Variants in FREM2 observed in about 807,000 individuals in gnomAD.
FREM2 encodes the protein FRAS1-related extracellular matrix protein 2.
FREM2 carries 119 observed loss-of-function variants against 219.9 expected under a neutral mutation model. The observed-to-expected ratio is 0.54, with a 90% confidence interval of 0.47 to 0.63. The LOEUF (loss-of-function observed/expected upper bound fraction) is 0.63, where lower values mean the gene tolerates loss of function less well. Ranked by LOEUF, FREM2 falls within the 30% of genes least tolerant of loss-of-function variation. FREM2 has a pLI of 0.00. For synonymous variants in FREM2, 1,562 were observed against 1,522.8 expected, an observed-to-expected ratio of 1.03 and a Z score of -0.60; for missense variants, 4,030 against 3,993.6, an observed-to-expected ratio of 1.01 and a Z score of -0.25.
At chr13:38,814,319 T>G (rs768018466) in intron 6 of FREM2, among the ~76,000 whole-genome samples, 1 of 152,324 alleles carries the variant, frequency 6.6e-6, no homozygotes, top group Non-Finnish European at 1.5e-5. Context: ...TCTGGGCTTA[T>G]TTGTGCCTGT....
At chr13:38,801,543 C>T (rs1185553985) in intron 6 of FREM2, among the ~76,000 whole-genome samples, 1 of 151,916 alleles carries the variant, frequency 6.6e-6, no homozygotes, top group African/African-American at 2.4e-5. Context: ...GGGTGCATTA[C>T]CTTTGATTTA....
chr13:38,753,973 T>TTTATTTTTTA lies in FREM2; in HGVS notation c.5264-10329_5264-10328insATTTTTTATT, dbSNP rs1555265208. 7.4e-5 allele frequency among the ~76,000 whole-genome samples: 11 copies of TTTATTTTTTA among 148,492 alleles called. No homozygotes were observed. In the East Asian group the frequency reaches 2.2e-3, roughly 29 times the overall value. ...ACACATTCTTTTTATTTTATTTTATTTTTTATTTTATTTTATTTTATTTTT... is the reference window on the plus strand; with the variant it reads ...ACACATTCTTTTTATTTTATTTTATTTTATTTTTTATTTTATTTTATTTTATTTTATTTTT... On this transcript the variant is annotated intron_variant, in intron 2 of 23. Transcript: ENST00000280481.
In FREM2 at chr13:38,872,996, A is replaced by AT. The variant is rs371467620; in HGVS notation, c.8176+71dup. 1.9e-3 allele frequency: 2,816 copies of AT among 1,459,336 alleles called. 20 individuals are homozygous for AT. In the African/African-American group the frequency reaches 0.026, roughly 13 times the overall value. 90.4% of individuals were successfully genotyped at this position (1,459,336 alleles called of 1,614,324 possible). A position where few individuals can be genotyped will look rare whatever the true frequency, so the allele number is the denominator to read the frequency against. ...TAACCTATTTAAACTATTTAAGACGATTTTTTTTTGCCATTGCTAAAAGTA... is the reference window on the plus strand; with the variant it reads ...TAACCTATTTAAACTATTTAAGACGATTTTTTTTTTGCCATTGCTAAAAGTA... On this transcript the variant is annotated intron_variant, in intron 17 of 23. Coordinates refer to ENST00000280481, the MANE Select transcript of FREM2 (RefSeq NM_207361.6).
intron 16 of FREM2, among the ~76,000 whole-genome samples, chr13:38,866,961 T>C (rs1877991331): frequency 6.6e-6 from 1 of 152,230 alleles, no homozygotes; most frequent in Admixed American, 6.5e-5. Context: ...AATCAAATCT[T>C]ACTGTAAAAT....
intron 2 of FREM2, among the ~76,000 whole-genome samples, chr13:38,699,764 A>G (rs903920433): frequency 1.3e-5 from 2 of 152,150 alleles, no homozygotes; most frequent in African/African-American, 2.4e-5. Context: ...AAAAAGTCAC[A>G]TTGGTATCCC....
At chr13:38,765,079 T>C (rs1388545934) in intron 3 of FREM2, among the ~76,000 whole-genome samples, 2 of 152,010 alleles carry the variant, frequency 1.3e-5, no homozygotes, top group African/African-American at 4.8e-5. Flanking sequence ...CCCAGCTAAT[T>C]TTTTGTATTT....
intron 1 of FREM2, among the ~76,000 whole-genome samples, chr13:38,697,071 A>T (rs955232071): frequency 6.6e-6 from 1 of 152,158 alleles, no homozygotes; most frequent in Non-Finnish European, 1.5e-5. Context: ...AAGTGCTGGG[A>T]TTATACGCAT....
chr13:38,855,968 CATTTG>C (rs138301867), intron 11 of FREM2, among the ~76,000 whole-genome samples, 153 bp from the exon 12 acceptor site: 2,834 of 144,624 alleles, frequency 0.02, 50 homozygotes, highest in Non-Finnish European at 0.028. Context: ...GTTTGTTAAA[CATTTG>C]ATTTCATTTT....
intron 16 of FREM2, among the ~76,000 whole-genome samples, chr13:38,869,686 A>G (rs1432124885): frequency 7.9e-5 from 12 of 152,244 alleles, no homozygotes; most frequent in Admixed American, 6.5e-5. Flanking sequence ...AGATGAATTA[A>G]ATAAATGATT....
chr13:38,739,078 G>A (rs1872124475), intron 2 of FREM2, among the ~76,000 whole-genome samples: 3 of 152,184 alleles, frequency 2.0e-5, no homozygotes, highest in South Asian at 2.1e-4. Flanking sequence ...GCTTGGCAAT[G>A]TCCAGTCCAC....
chr13:38,713,197 T>C (rs2197888), intron 2 of FREM2, among the ~76,000 whole-genome samples: 18,295 of 152,214 alleles, frequency 0.12, 1,298 homozygotes, highest in Admixed American at 0.21. Context: ...ATAGAGGAAG[T>C]CTTTGCATTT....
At chr13:38,819,746 G>A (rs1875961512) in intron 6 of FREM2, among the ~76,000 whole-genome samples, 1 of 151,960 alleles carries the variant, frequency 6.6e-6, no homozygotes, top group Non-Finnish European at 1.5e-5. Context: ...CACAAATTAT[G>A]AGCCAAGTTT....
intron 2 of FREM2, among the ~76,000 whole-genome samples, chr13:38,718,432 C>T (rs1871095940): frequency 6.6e-6 from 1 of 152,104 alleles, no homozygotes; most frequent in African/African-American, 2.4e-5. Flanking sequence ...ATTGATGGGA[C>T]CAAGACCCCC....
chr13:38,689,638 A>T lies in FREM2; in HGVS notation c.2294A>T (p.Asp765Val), dbSNP rs771809834. The change falls in exon 1 of 24, where the codon GAC becomes GTC. Residue 765 changes from aspartate to valine, a missense_variant. Physicochemically the swap from Asp to Val is radical, Grantham distance 152 (BLOSUM62 -3). This residue lies in a region of FREM2 where 3,102 missense variants were observed against 2,950.7 expected (regional missense o/e 1.05). Transcript: ENST00000280481. ...CCACTGGGTACCTTGGTCTTGACTG[A>T]CAACCCCTCAGTCGTGGTGACCCAT... ...PAPLGTLVLT[D>V]NPSVVVTHFT... The T allele has an allele frequency of 1.4e-5, 23 of 1,614,070 alleles. No individual in the cohort carries two copies. Among genetic ancestry groups the T allele is most frequent in the Non-Finnish European group, 1.9e-5 (23 of 1,180,002 alleles).
chr13:38,745,358 T>G (rs527625456), intron 2 of FREM2, among the ~76,000 whole-genome samples: 1 of 152,332 alleles, frequency 6.6e-6, no homozygotes, highest in Admixed American at 6.5e-5. Flanking sequence ...GAGACACATT[T>G]TGTTTAAATA....
At chr13:38,849,990 A>G (rs375995897) in intron 8 of FREM2, 48 bp from the exon 9 acceptor site, 26 of 1,513,544 alleles carry the variant, frequency 1.7e-5, no homozygotes, top group East Asian at 1.1e-4. Flanking sequence ...CTGAAATGCC[A>G]TTTTCCACAA....
intron 9 of FREM2, 26 bp downstream of exon 9, chr13:38,850,261 G>A (rs375180649): frequency 3.7e-5 from 59 of 1,608,494 alleles, no homozygotes; most frequent in Middle Eastern, 1.7e-4. Flanking sequence ...AAATTTTTTC[G>A]TGAAATTTGA....
At chr13:38,816,308 G>T (rs1041657490) in intron 6 of FREM2, among the ~76,000 whole-genome samples, 3 of 152,136 alleles carry the variant, frequency 2.0e-5, no homozygotes, top group Non-Finnish European at 4.4e-5. Context: ...AGGATCTCCA[G>T]TGAACATAGA....
chr13:38,838,559 A>C (rs9532287), intron 6 of FREM2, among the ~76,000 whole-genome samples: 21,537 of 152,134 alleles, frequency 0.14, 1,759 homozygotes, highest in Admixed American at 0.24. Context: ...GTGTGTTTTC[A>C]AACTTGGTTC....
Sources: gnomAD v4.1 joint callset for allele counts (sites outside exome capture counted in the v4.1 genomes callset) on GRCh38, gnomAD v4.1.1 for gene constraint, gnomAD v4.1.1 regional missense constraint, MANE v1.5 for transcripts, NCBI Gene and HGNC (gene_info 2026-07-23, HGNC 2026-07-21) for gene names.